Variants in B4GALT1 observed in about 807,000 individuals in gnomAD.
The protein encoded by B4GALT1 is N-acetyllactosamine synthase.
Under a neutral mutation model 34.9 loss-of-function variants are expected in B4GALT1, and 16 were observed. That is an observed-to-expected ratio of 0.46 (90% CI 0.31 to 0.70). The LOEUF is 0.70. B4GALT1 is among the 30% of genes least tolerant of loss of function. The pLI is 0.05. For synonymous variants in B4GALT1, 221 were observed against 218.1 expected (o/e 1.01, Z -0.12); for missense variants, 445 against 530.5 (o/e 0.84, Z 1.58).
intron 2 of B4GALT1, among the ~76,000 whole-genome samples, chr9:33,125,290 C>A (rs563821270): frequency 6.6e-6 from 1 of 152,236 alleles, no homozygotes; most frequent in South Asian, 2.1e-4. Context: ...AGAGAACAGC[C>A]AAGGAACTAC....
At chr9:33,167,415 G>A (rs926997854), upstream of B4GALT1, 5 of 370,798 alleles carry the variant, frequency 1.3e-5, no homozygotes, top group African/African-American at 2.1e-5. Context: ...CCGGGCGCGG[G>A]GTTTTCTGGA....
chr9:33,149,796 A>G (rs972343321), intron 1 of B4GALT1, among the ~76,000 whole-genome samples: 1 of 152,226 alleles, frequency 6.6e-6, no homozygotes, highest in Non-Finnish European at 1.5e-5. Context: ...AGGAAACATC[A>G]GACAGACCTA....
At chr9:33,177,014 GT>G in the B4GALT1 span, among the ~76,000 whole-genome samples, 1 of 152,218 alleles carries the variant, frequency 6.6e-6, no homozygotes, top group East Asian at 1.9e-4. Flanking sequence ...TTCCCTCTAG[GT>G]TTTAATTTAC....
At chr9:33,174,667 T>G in the B4GALT1 span, among the ~76,000 whole-genome samples, 3 of 148,914 alleles carry the variant, frequency 2.0e-5, no homozygotes, top group African/African-American at 7.4e-5. Flanking sequence ...ATGTATATCT[T>G]ATTGGGGGCC....
intron 1 of B4GALT1, among the ~76,000 whole-genome samples, chr9:33,145,888 A>C (rs1051176106): frequency 5.9e-5 from 9 of 152,212 alleles, no homozygotes; most frequent in Non-Finnish European, 1.0e-4. Context: ...ATCTTATTTG[A>C]CATCACTGAA....
chr9:33,127,583 G>GAATAA (rs1209512154), intron 2 of B4GALT1, among the ~76,000 whole-genome samples: 4 of 152,184 alleles, frequency 2.6e-5, no homozygotes, highest in Admixed American at 2.6e-4. Context: ...ATAAACTTCA[G>GAATAA]ACTCCAAGAT....
chr9:33,157,665 T>C (rs1015883411), intron 1 of B4GALT1, among the ~76,000 whole-genome samples: 10 of 151,998 alleles, frequency 6.6e-5, no homozygotes, highest in African/African-American at 2.4e-4. Flanking sequence ...TCTGTTACAA[T>C]GGTAAGTAGA....
chr9:33,152,370 A>ATAACATAACAT (rs1554688121), intron 1 of B4GALT1, among the ~76,000 whole-genome samples: 22 of 67,622 alleles, frequency 3.3e-4, no homozygotes, highest in African/African-American at 1.4e-3. Flanking sequence ...ATAACATAAC[A>ATAACATAACAT]ACTTCTACAT....
the B4GALT1 span, among the ~76,000 whole-genome samples, chr9:33,185,063 G>A: frequency 2.4e-4 from 36 of 152,270 alleles, 2 homozygotes; most frequent in South Asian, 7.2e-3. Context: ...GATACTGCTT[G>A]ACCCCAGCCT....
At chr9:33,170,095 A>T (rs1027215096), upstream of B4GALT1, among the ~76,000 whole-genome samples, 1 of 146,534 alleles carries the variant, frequency 6.8e-6, no homozygotes, top group East Asian at 2.1e-4. Context: ...TCAGCCTCCC[A>T]AGTAGCTGGG....
intron 1 of B4GALT1, among the ~76,000 whole-genome samples, chr9:33,143,799 T>C (rs908923470): frequency 2.0e-5 from 3 of 152,168 alleles, no homozygotes; most frequent in Non-Finnish European, 4.4e-5. Flanking sequence ...TTTTCCTCTC[T>C]GAAAATGTGT....
chr9:33,134,941 C>T (rs1033869831), intron 2 of B4GALT1, among the ~76,000 whole-genome samples: 5 of 152,134 alleles, frequency 3.3e-5, no homozygotes, highest in Non-Finnish European at 5.9e-5. Flanking sequence ...AGGCTACTTC[C>T]AGAAAACAAA....
chr9:33,114,197 G>C (rs1839907377), intron 4 of B4GALT1, among the ~76,000 whole-genome samples: 1 of 152,250 alleles, frequency 6.6e-6, no homozygotes, highest in Non-Finnish European at 1.5e-5. Context: ...GGTGAGAAGA[G>C]GAAGATGAGG....
intron 2 of B4GALT1, among the ~76,000 whole-genome samples, chr9:33,127,106 A>G (rs1212845542): frequency 6.6e-6 from 1 of 151,940 alleles, no homozygotes; most frequent in Non-Finnish European, 1.5e-5. Context: ...GGACTTTTCA[A>G]GTGCCCGCCA....
the B4GALT1 span, among the ~76,000 whole-genome samples, chr9:33,184,278 A>ACACACACG: frequency 6.6e-6 from 1 of 151,970 alleles, no homozygotes; most frequent in African/African-American, 2.4e-5. Flanking sequence ...ACACACACAC[A>ACACACACG]CACACACACA....
intron 2 of B4GALT1, among the ~76,000 whole-genome samples, chr9:33,134,952 A>T (rs1207672453): frequency 1.3e-5 from 2 of 152,202 alleles, no homozygotes; most frequent in African/African-American, 4.8e-5. Flanking sequence ...AGAAAACAAA[A>T]ACAGAACAAC....
chr9:33,163,280 C>G (rs1463135339), intron 1 of B4GALT1, among the ~76,000 whole-genome samples: 3 of 152,154 alleles, frequency 2.0e-5, no homozygotes, highest in African/African-American at 7.2e-5. Context: ...AGCAACAGCC[C>G]CCATAAAAAC....
At chr9:33,176,465 A>G in the B4GALT1 span, among the ~76,000 whole-genome samples, 1 of 152,198 alleles carries the variant, frequency 6.6e-6, no homozygotes, top group African/African-American at 2.4e-5. Context: ...TTTAGTCTAC[A>G]TGAGAGGTTT....
At chr9:33,118,767 G>A (rs1839978583) in intron 3 of B4GALT1, among the ~76,000 whole-genome samples, 1 of 152,108 alleles carries the variant, frequency 6.6e-6, no homozygotes, top group South Asian at 2.1e-4. Context: ...TAAACCAGGG[G>A]TACCCAACAT....
Sources: allele counts gnomAD v4.1 joint callset (sites outside exome capture counted in the v4.1 genomes callset), GRCh38; gene constraint gnomAD v4.1.1; transcripts MANE v1.5; gene names NCBI Gene and HGNC (gene_info 2026-07-23, HGNC 2026-07-21).